PRKCI: variants seen among roughly 807,000 people sequenced by gnomAD.
The protein encoded by PRKCI is protein kinase C iota type.
In PRKCI, 43 loss-of-function variants were observed where a neutral mutation model predicts 84.0. That is an observed-to-expected ratio of 0.51 (90% confidence interval 0.40 to 0.66). The LOEUF is 0.66. Ranked by LOEUF, PRKCI falls within the 30% of genes least tolerant of loss-of-function variation. The pLI is 0.00. For missense variants in PRKCI, 459 were observed against 745.6 expected (o/e 0.62, Z 4.48); for synonymous variants, 216 against 234.4 (o/e 0.92, Z 0.72).
At position 170,284,571 on chromosome 3, in the gene PRKCI, AACTC is replaced by A; in HGVS notation, c.1182_1185del (p.Asp396ThrfsTer29). 6.2e-7 allele frequency: 1 copy of A among 1,612,952 alleles called. No individual in the cohort carries two copies. Among genetic ancestry groups the A allele is most frequent in the South Asian group, 1.1e-5 (1 of 90,796 alleles). On this transcript the variant is annotated frameshift_variant, in exon 12 of 18. Transcript: ENST00000295797. LOFTEE classifies it high-confidence loss of function. ...TTACTGGACTCTGAAGGCCACATTAAACTCACTGACTACGGCATGTGTAAGGTGA... is the reference window on the plus strand; with the variant it reads ...TTACTGGACTCTGAAGGCCACATTAAACTGACTACGGCATGTGTAAGGTGA...
intron 12 of PRKCI, 114 bp downstream of exon 12, chr3:170,284,710 G>A: frequency 2.4e-6 from 3 of 1,256,618 alleles, no homozygotes; most frequent in South Asian, 1.5e-5. Context: ...ATTTACTTAA[G>A]CTTTGTGGAA....
chr3:170,296,034 A>G lies in PRKCI; in HGVS notation c.1497+44A>G, dbSNP rs368411034. The G allele has an allele frequency of 1.5e-5, 18 of 1,176,186 alleles. No individual in the cohort carries two copies. The African/African-American group carries it at 2.0e-4, about 13-fold the overall frequency. 72.9% of individuals were successfully genotyped at this position (1,176,186 alleles called of 1,614,324 possible). On this transcript the variant is annotated intron_variant, in intron 15 of 17. Coordinates refer to ENST00000295797, the MANE Select transcript of PRKCI (RefSeq NM_002740.6). ...AATATTTTGTGATTTGTCTCTTTCTATATATATCAAACTGGTCAGTAGCGG... is the reference window on the plus strand; with the variant it reads ...AATATTTTGTGATTTGTCTCTTTCTGTATATATCAAACTGGTCAGTAGCGG...
At chr3:170,239,877 G>T (rs756033832) in intron 2 of PRKCI, among the ~76,000 whole-genome samples, 1 of 152,146 alleles carries the variant, frequency 6.6e-6, no homozygotes, top group African/African-American at 2.4e-5. Flanking sequence ...GCTGAGTGCG[G>T]TGGCTCATGC....
At chr3:170,250,222 G>A (rs923657320) in intron 2 of PRKCI, among the ~76,000 whole-genome samples, 1 of 150,106 alleles carries the variant, frequency 6.7e-6, no homozygotes, top group Non-Finnish European at 1.5e-5. Flanking sequence ...GCAGTGAGCC[G>A]AGGTGTCACC....
At chr3:170,281,373 A>T in intron 10 of PRKCI, 110 bp downstream of exon 10, 1 of 820,904 alleles carries the variant, frequency 1.2e-6, no homozygotes, top group Non-Finnish European at 2.0e-6. Flanking sequence ...GGAGGATGCA[A>T]CAGTGTTAGG....
At chr3:170,270,272 G>A (rs905235049) in intron 5 of PRKCI, 149 bp from the exon 6 acceptor site, 8 of 701,212 alleles carry the variant, frequency 1.1e-5, no homozygotes, top group African/African-American at 3.6e-5. Context: ...AAAAAATTAT[G>A]TATGAGGAAG....
At chr3:170,272,622 T>C (rs2140825) in intron 6 of PRKCI, among the ~76,000 whole-genome samples, 48,779 of 152,164 alleles carry the variant, frequency 0.32, 9,176 homozygotes, top group South Asian at 0.46. Context: ...AGCTTACTTA[T>C]GAGCCTTTCT....
At chr3:170,267,374 A>G (rs780125992) in intron 4 of PRKCI, among the ~76,000 whole-genome samples, 43 of 152,200 alleles carry the variant, frequency 2.8e-4, no homozygotes, top group Non-Finnish European at 4.0e-4. Flanking sequence ...AAAATTTTTA[A>G]AAAGAAAAGC....
intron 2 of PRKCI, among the ~76,000 whole-genome samples, chr3:170,237,579 A>C (rs1259234812): frequency 2.0e-5 from 3 of 152,172 alleles, no homozygotes; most frequent in Admixed American, 2.0e-4. Context: ...TTTTTTTACA[A>C]TAGTTTTCTG....
chr3:170,284,234 A>C (rs1734320320), intron 11 of PRKCI, among the ~76,000 whole-genome samples: 1 of 152,200 alleles, frequency 6.6e-6, no homozygotes, highest in African/African-American at 2.4e-5. Context: ...TGAGACTATC[A>C]AATTAATAGC....
chr3:170,248,855 T>G (rs1733362050), intron 2 of PRKCI, among the ~76,000 whole-genome samples: 1 of 148,620 alleles, frequency 6.7e-6, no homozygotes. Flanking sequence ...TTTCTTTTCT[T>G]TTTTTTTTTT....
intron 1 of PRKCI, among the ~76,000 whole-genome samples, chr3:170,231,277 A>G (rs1469985340): frequency 6.6e-6 from 1 of 151,882 alleles, no homozygotes; most frequent in Non-Finnish European, 1.5e-5. Context: ...TATATATTTT[A>G]TAATCATGTG....
chr3:170,268,455 G>C (rs970169076), intron 5 of PRKCI, among the ~76,000 whole-genome samples: 1 of 147,440 alleles, frequency 6.8e-6, no homozygotes, highest in Non-Finnish European at 1.5e-5. Context: ...ACTCCAGCCT[G>C]GGCAATGGAG....
At chr3:170,296,086 G>A (rs954671068) in intron 15 of PRKCI, 96 bp downstream of exon 15, 8 of 630,778 alleles carry the variant, frequency 1.3e-5, no homozygotes, top group African/African-American at 3.8e-5. Flanking sequence ...TTCCAAAACA[G>A]TAGAGAATGT....
At chr3:170,296,140 T>A in intron 15 of PRKCI, 150 bp downstream of exon 15, 1 of 432,286 alleles carries the variant, frequency 2.3e-6, no homozygotes, top group Non-Finnish European at 4.2e-6. Flanking sequence ...ACCCAAAGAG[T>A]AATTGACAGC....
At chr3:170,251,043 A>C (rs914033303) in intron 2 of PRKCI, among the ~76,000 whole-genome samples, 1 of 152,224 alleles carries the variant, frequency 6.6e-6, no homozygotes, top group Non-Finnish European at 1.5e-5. Context: ...AGTATATTCA[A>C]AGAAAATATT....
chr3:170,268,908 AT>A (rs201986673), intron 5 of PRKCI, among the ~76,000 whole-genome samples: 12,009 of 151,832 alleles, frequency 0.079, 1,117 homozygotes, highest in African/African-American at 0.23. Flanking sequence ...TTCATTTATT[AT>A]TTATTTATTT....
At chr3:170,270,314 TG>T in intron 5 of PRKCI, 106 bp from the exon 6 acceptor site, 1 of 1,133,670 alleles carries the variant, frequency 8.8e-7, no homozygotes, top group Non-Finnish European at 1.2e-6. Flanking sequence ...GTTTTTGTTG[TG>T]GGCTGACAGT....
intron 2 of PRKCI, among the ~76,000 whole-genome samples, chr3:170,254,577 G>C (rs1733536931): frequency 9.2e-6 from 1 of 108,728 alleles, no homozygotes. Context: ...TTTATTGAAG[G>C]CTGTCTTTTC....
Sources: allele counts gnomAD v4.1 joint callset (sites outside exome capture counted in the v4.1 genomes callset), GRCh38; gene constraint gnomAD v4.1.1; transcripts MANE v1.5; gene names NCBI Gene and HGNC (gene_info 2026-07-23, HGNC 2026-07-21).